Variants in CARF observed in about 807,000 individuals in gnomAD.
The protein encoded by CARF is calcium-responsive transcription factor.
A neutral mutation model predicts 82.0 loss-of-function variants in CARF; 57 were observed. The observed-to-expected ratio is 0.70, with a 90% CI of 0.56 to 0.87. The LOEUF (loss-of-function observed/expected upper bound fraction) is 0.87. Among genes scored for constraint, CARF ranks in the 40% least tolerant of loss-of-function variants. The pLI, the probability that CARF is intolerant of heterozygous loss-of-function variation, is 0.00. For missense variants in CARF, 771 were observed against 855.8 expected (o/e 0.90, Z 1.24); for synonymous variants, 268 against 290.1 (o/e 0.92, Z 0.77).
chr2:202,937,671 C>T (rs538600716), intron 3 of CARF, among the ~76,000 whole-genome samples: 1 of 151,942 alleles, frequency 6.6e-6, no homozygotes, highest in African/African-American at 2.4e-5. Flanking sequence ...GTTGCCCAGG[C>T]TAGAGTGCAG....
chr2:202,936,979 T>C lies in CARF; in HGVS notation c.-43-4881T>C, dbSNP rs755590036. ...TCCATTTTTTATTTTTGGTATGTAA[T>C]ATGAGGTAGGAGTTCAACATCATTC... On this transcript the variant is annotated intron_variant, in intron 3 of 16. Transcript: ENST00000438828. Among the ~76,000 whole-genome samples, 13 of 152,322 alleles carry C rather than the reference T, an allele frequency of 8.5e-5. No homozygotes were observed. The Middle Eastern group carries it at 0.01, about 120-fold the overall frequency.
intron 5 of CARF, among the ~76,000 whole-genome samples, chr2:202,943,513 A>G (rs966871283): frequency 1.3e-5 from 2 of 150,842 alleles, no homozygotes; most frequent in African/African-American, 2.4e-5. Context: ...TTTGAGATCA[A>G]TTGGAAATGT....
At chr2:202,946,069 T>C (rs879918335) in intron 5 of CARF, among the ~76,000 whole-genome samples, 2 of 152,100 alleles carry the variant, frequency 1.3e-5, no homozygotes, top group African/African-American at 4.8e-5. Context: ...ATTAGTTATA[T>C]TGAGCTTTTT....
At chr2:202,920,181 G>T (rs1472731209) in intron 2 of CARF, among the ~76,000 whole-genome samples, 6 of 150,424 alleles carry the variant, frequency 4.0e-5, no homozygotes, top group Admixed American at 6.6e-5. Flanking sequence ...TTGAGACGGG[G>T]TCTCGCTCTG....
chr2:202,926,771 G>T (rs563011632), intron 3 of CARF, among the ~76,000 whole-genome samples: 2 of 152,144 alleles, frequency 1.3e-5, no homozygotes, highest in East Asian at 3.9e-4. Context: ...TCCTACCTAG[G>T]TTTTGTAGTT....
At chr2:202,932,564 A>G (rs1693131192) in intron 3 of CARF, among the ~76,000 whole-genome samples, 1 of 152,032 alleles carries the variant, frequency 6.6e-6, no homozygotes, top group African/African-American at 2.4e-5. Flanking sequence ...GTGGTAAGTC[A>G]AGTCCCAGGG....
At position 202,987,320 on chromosome 2, in the gene CARF, T is replaced by C. The variant is rs772190242; in HGVS notation, c.*3696T>C. 1.3e-5 allele frequency among the ~76,000 whole-genome samples: 2 copies of C among 150,614 alleles called. No homozygotes were observed. Among genetic ancestry groups the C allele is most frequent in the Admixed American group, 6.7e-5 (1 of 14,946 alleles). On this transcript the variant is annotated 3_prime_UTR_variant, in exon 17 of 17. Coordinates refer to ENST00000438828, the MANE Select transcript of CARF (RefSeq NM_024744.17). Reference sequence around the variant, plus strand: ...ATTTTAGGAGTAATGACAAAGTATGTGATCAAAAGAGAAGGGATTATTAAT... The same window carrying C: ...ATTTTAGGAGTAATGACAAAGTATGCGATCAAAAGAGAAGGGATTATTAAT...
chr2:202,931,214 C>T (rs958512912), intron 3 of CARF, among the ~76,000 whole-genome samples: 2 of 152,080 alleles, frequency 1.3e-5, no homozygotes, highest in Non-Finnish European at 2.9e-5. Context: ...TTAGGTTATC[C>T]GCCTGCCTTG....
At chr2:202,923,296 A>G (rs1691178223) in intron 2 of CARF, among the ~76,000 whole-genome samples, 1 of 152,194 alleles carries the variant, frequency 6.6e-6, no homozygotes, top group Non-Finnish European at 1.5e-5. Context: ...ATTAATGTAC[A>G]CAATTAATTT....
At chr2:202,922,807 T>C (rs959277962) in intron 2 of CARF, among the ~76,000 whole-genome samples, 3 of 151,716 alleles carry the variant, frequency 2.0e-5, no homozygotes, top group African/African-American at 7.3e-5. Flanking sequence ...TGAGACTCTG[T>C]CTCAAAAAAG....
intron 2 of CARF, among the ~76,000 whole-genome samples, chr2:202,923,654 C>G (rs1691260375): frequency 2.6e-5 from 4 of 152,106 alleles, no homozygotes; most frequent in Admixed American, 2.6e-4. Context: ...TAAAAAAGAG[C>G]CCGCATAGCC....
At position 202,920,353 on chromosome 2, in the gene CARF, C is replaced by T. The variant is rs184906059; in HGVS notation, c.-163+2310C>T. Among the ~76,000 whole-genome samples the T allele has an allele frequency of 3.3e-3, 497 of 152,180 alleles. 4 individuals carry two copies. The highest frequency in any genetic ancestry group is 0.012 in the African/African-American group (479 of 41,538). On this transcript the variant is annotated intron_variant, in intron 2 of 16. Transcript: ENST00000438828. ...TGTATTTTTAGTAGAGATGGGGTTT[C>T]ACCATGTTAGCCATGATGGTCTTGA...
chr2:202,952,361 TCCTGGCTTCACCACTTATAAGTTGTGAGA>T (rs2058793641), intron 5 of CARF, among the ~76,000 whole-genome samples, 169 bp from the exon 6 acceptor site: 1 of 152,190 alleles, frequency 6.6e-6, no homozygotes, highest in Admixed American at 6.5e-5. Context: ...CTGTTTTTAA[TCCTGGCTTCACCACTTATAAGTTGTGAGA>T]CCTTGGAAAA....
chr2:202,918,371 A>T (rs1574456926), intron 2 of CARF, among the ~76,000 whole-genome samples: 1 of 152,214 alleles, frequency 6.6e-6, no homozygotes, highest in East Asian at 1.9e-4. Context: ...TACAAAAAAA[A>T]TTAGCCGGGC....
At chr2:202,922,592 C>A (rs1277000133) in intron 2 of CARF, among the ~76,000 whole-genome samples, 1 of 152,086 alleles carries the variant, frequency 6.6e-6, no homozygotes, top group Non-Finnish European at 1.5e-5. Context: ...CACCTTAGGT[C>A]CAGAGTTTCA....
chr2:202,961,673 G>A (rs72926793), intron 9 of CARF: 47,784 of 479,972 alleles, frequency 0.1, 2,820 homozygotes, highest in Non-Finnish European at 0.13. Flanking sequence ...ATAAAATATC[G>A]AAGTTTCCAT....
intron 3 of CARF, among the ~76,000 whole-genome samples, chr2:202,934,190 A>G (rs141919016): frequency 3.3e-5 from 5 of 152,204 alleles, no homozygotes; most frequent in African/African-American, 1.2e-4. Context: ...ATTTCCCTTG[A>G]AATTTTATAT....
At position 202,981,616 on chromosome 2, in the gene CARF, G is replaced by A; in HGVS notation, c.1620G>A (p.Leu540=). Reference sequence around the variant, plus strand: ...AAACAAATCAGACCAGGGGTTCTTTGTCTCCTGAGCCAACCCACTTGCTCT... The same window carrying A: ...AAACAAATCAGACCAGGGGTTCTTTATCTCCTGAGCCAACCCACTTGCTCT... ...KVETNQTRGS[L]SPEPTHLLSS... The change falls in exon 15 of 17, where the codon TTG becomes TTA. Residue 540 remains leucine, a synonymous_variant. Coordinates refer to ENST00000438828, the MANE Select transcript of CARF (RefSeq NM_024744.17). 6.2e-7 allele frequency: 1 copy of A among 1,611,506 alleles called. No individual in the cohort carries two copies. Among genetic ancestry groups the A allele is most frequent in the Non-Finnish European group, 8.5e-7 (1 of 1,178,350 alleles).
intron 5 of CARF, 90 bp downstream of exon 5, chr2:202,943,057 C>A: frequency 2.0e-6 from 2 of 978,532 alleles, no homozygotes; most frequent in Non-Finnish European, 3.1e-6. Context: ...ACACTTTTGA[C>A]TTACATTGTG....
Sources: allele counts gnomAD v4.1 joint callset (sites outside exome capture counted in the v4.1 genomes callset), GRCh38; gene constraint gnomAD v4.1.1; transcripts MANE v1.5; gene names NCBI Gene and HGNC (gene_info 2026-07-23, HGNC 2026-07-21).